The following VPS37B variants were observed in gnomAD, a reference collection of about 807,000 sequenced individuals.
VPS37B encodes vacuolar protein sorting-associated protein 37B.
Under a neutral mutation model 21.2 loss-of-function variants are expected in VPS37B, and 11 were observed. The ratio of observed to expected loss-of-function variants is 0.52; its 90% CI spans 0.33 to 0.86. The LOEUF (loss-of-function observed/expected upper bound fraction) is 0.86. Ranked by LOEUF, VPS37B falls within the 40% of genes least tolerant of loss-of-function variation. The pLI, the probability that VPS37B is intolerant of heterozygous loss-of-function variation, is 0.03. For missense variants in VPS37B, 389 were observed against 374.8 expected (o/e 1.04, Z -0.31); for synonymous variants, 175 against 159.6 (o/e 1.10, Z -0.73).
At chr12:122,871,268 G>C in intron 1 of VPS37B, 1 of 1,342,124 alleles carries the variant, frequency 7.5e-7, no homozygotes, top group Non-Finnish European at 9.6e-7. Flanking sequence ...TAAAGAATGA[G>C]GCCGACTTCC....
intron 1 of VPS37B, chr12:122,872,677 AGAAC>A: frequency 1.0e-6 from 1 of 985,474 alleles, no homozygotes; most frequent in Non-Finnish European, 1.2e-6. Flanking sequence ...GTCATTTAAA[AGAAC>A]AAACAAAAAC....
At chr12:122,872,145 C>G (rs1472348282) in intron 1 of VPS37B, 3 of 985,548 alleles carry the variant, frequency 3.0e-6, no homozygotes, top group Non-Finnish European at 3.6e-6. Flanking sequence ...CATGCTGCCT[C>G]TGCTCCCCAC....
chr12:122,889,708 G>A (rs1431118852), intron 1 of VPS37B: 1 of 140,408 alleles, frequency 7.1e-6, no homozygotes, highest in African/African-American at 2.8e-5. Flanking sequence ...GGAGACAAGA[G>A]CAAAACTCGG....
chr12:122,881,085 G>A (rs1406529712), intron 1 of VPS37B: 6 of 152,254 alleles, frequency 3.9e-5, no homozygotes, highest in African/African-American at 7.2e-5. Context: ...AGTTACTGGT[G>A]CTGATCTGAA....
At chr12:122,881,180 T>C (rs2034241957) in intron 1 of VPS37B, 1 of 152,256 alleles carries the variant, frequency 6.6e-6, no homozygotes, top group South Asian at 2.1e-4. Flanking sequence ...CACCTTCTCT[T>C]AGTTCCACTG....
At chr12:122,870,829 G>T in intron 2 of VPS37B, 61 bp downstream of exon 2, 2 of 1,536,728 alleles carry the variant, frequency 1.3e-6, no homozygotes, top group East Asian at 2.3e-5. Context: ...TAGGGCAATA[G>T]CTTGAAAATG....
chr12:122,892,556 G>C (rs2034431559), intron 1 of VPS37B, among the ~76,000 whole-genome samples: 1 of 151,682 alleles, frequency 6.6e-6, no homozygotes, highest in Admixed American at 6.6e-5. Flanking sequence ...TCTATGCTGG[G>C]AAAGGCCTGT....
At chr12:122,886,168 G>C (rs1052550207) in intron 1 of VPS37B, 1 of 152,164 alleles carries the variant, frequency 6.6e-6, no homozygotes, top group African/African-American at 2.4e-5. Flanking sequence ...TTGGGCTATG[G>C]AAGCAGATGG....
chr12:122,871,475 A>G, intron 1 of VPS37B: 2 of 989,548 alleles, frequency 2.0e-6, no homozygotes, highest in Non-Finnish European at 2.4e-6. Context: ...ACTTATCAGC[A>G]GGAGACCAGT....
rs769923000 is a variant in VPS37B, at chr12:122,896,030, G to A, written c.33C>T (p.Ala11=). MAGAGSEARF[A]GLSLVQLNEL... ...CGTTGAGCTGCACCAGCGACAGCCC[G>A]GCGAACCGGGCTTCGCTCCCGGCGC... Residue 11 remains alanine (A), a synonymous_variant, in exon 1 of 4, where the codon GCC becomes GCT. Coordinates refer to ENST00000267202, the MANE Select transcript of VPS37B (RefSeq NM_024667.3). 10 of 1,589,970 alleles carry A rather than the reference G, an allele frequency of 6.3e-6. No homozygotes were observed. The highest frequency in any genetic ancestry group is 1.7e-5 in the Admixed American group (1 of 58,296).
intron 1 of VPS37B, chr12:122,885,403 G>A (rs1357576483): frequency 6.6e-6 from 1 of 152,014 alleles, no homozygotes; most frequent in African/African-American, 2.4e-5. Flanking sequence ...ATATCCACAT[G>A]AAAGATCACA....
chr12:122,879,335 G>A (rs1455744656), intron 1 of VPS37B: 1 of 152,336 alleles, frequency 6.6e-6, no homozygotes, highest in South Asian at 2.1e-4. Context: ...TCACCCTCAG[G>A]TTCTGGTTGG....
At chr12:122,871,981 C>T in intron 1 of VPS37B, 1 of 985,438 alleles carries the variant, frequency 1.0e-6, no homozygotes, top group Non-Finnish European at 1.2e-6. Flanking sequence ...CATGCGATTC[C>T]TTACCCAGCG....
chr12:122,867,930 T>C lies in VPS37B; in HGVS notation c.367-323A>G, dbSNP rs1334210451. On this transcript the variant is annotated intron_variant, in intron 3 of 3. Coordinates refer to ENST00000267202, the MANE Select transcript of VPS37B (RefSeq NM_024667.3). The surrounding 1 kb of genome is among the most constrained non-coding windows in gnomAD (Gnocchi z 5.5). ...AGCCCGCTGGAGTCCAACACCTCCT[T>C]GCTTCCACCCGGCTGCACCCTGACT... Among the ~76,000 whole-genome samples, 1 of 149,612 alleles carries C rather than the reference T, an allele frequency of 6.7e-6. No homozygotes were observed. The highest frequency in any genetic ancestry group is 2.6e-5 in the African/African-American group (1 of 38,926).
In VPS37B at chr12:122,867,343, GT is replaced by G; in HGVS notation, c.630del (p.Pro211HisfsTer9). 2 of 1,596,602 alleles carry G rather than the reference GT, an allele frequency of 1.3e-6. No individual in the cohort carries two copies. Among genetic ancestry groups the G allele is most frequent in the Non-Finnish European group, 1.7e-6 (2 of 1,172,326 alleles). On this transcript the variant is annotated frameshift_variant, in exon 4 of 4. Coordinates refer to ENST00000267202, the MANE Select transcript of VPS37B (RefSeq NM_024667.3). LOFTEE classifies it high-confidence loss of function. This position sits in a 1 kb window ranked among gnomAD's most constrained non-coding sequence, Gnocchi z 5.5. Reference protein sequence around the residue: ...PAVAPRRIPPPPPPVPAGRLA... With the variant: ...PAVAPRRIPPXPPPVPAGRLA... The stretch of plus-strand genomic sequence containing the variant: ...AAGCGTCCCGCAGGCACCGGGGGTG[GT>G]GGGGGGGGGATGCGCCGAGGTGCAA...
rs1379295172 is a variant in VPS37B at position 122,867,804 on chromosome 12, A to G, written c.367-197T>C. ...TTCAGCATGAGCTGCCACTAGGTGG[A>G]GAGGACGACAGCCCTGCTGCGCACC... is the stretch of plus-strand genomic sequence containing the variant. On this transcript the variant is annotated intron_variant, in intron 3 of 3. Coordinates refer to ENST00000267202, the MANE Select transcript of VPS37B (RefSeq NM_024667.3). This position sits in a 1 kb window ranked among gnomAD's most constrained non-coding sequence, Gnocchi z 5.5. Among the ~76,000 whole-genome samples, 1 of 152,164 alleles carries G rather than the reference A, an allele frequency of 6.6e-6. No homozygotes were observed. Among genetic ancestry groups the G allele is most frequent in the Non-Finnish European group, 1.5e-5 (1 of 68,030 alleles).
intron 1 of VPS37B, among the ~76,000 whole-genome samples, chr12:122,893,463 T>C (rs555747993): frequency 4.5e-5 from 2 of 44,214 alleles, no homozygotes; most frequent in African/African-American, 1.0e-4. Context: ...AAATGTTCCA[T>C]TTGGTCAACA....
chr12:122,891,095 C>A (rs1363529876), intron 1 of VPS37B, among the ~76,000 whole-genome samples: 1 of 152,214 alleles, frequency 6.6e-6, no homozygotes. Context: ...TTGTTATTTT[C>A]TCCTTAATTT....
intron 1 of VPS37B, chr12:122,886,393 A>G (rs2034330115): frequency 6.6e-6 from 1 of 152,220 alleles, no homozygotes; most frequent in Non-Finnish European, 1.5e-5. Flanking sequence ...GCCAAGGCAG[A>G]AGGATTGCTT....
Sources: allele counts gnomAD v4.1 joint callset (sites outside exome capture counted in the v4.1 genomes callset), GRCh38; gene constraint gnomAD v4.1.1; non-coding constraint Gnocchi (gnomAD v3.1); transcripts MANE v1.5; gene names NCBI Gene and HGNC (gene_info 2026-07-23, HGNC 2026-07-21).